The following METTL15 variants were observed in gnomAD, a reference collection of about 807,000 sequenced individuals.
METTL15 encodes the protein 12S rRNA N(4)-cytidine methyltransferase METTL15.
In METTL15, 34 loss-of-function variants were observed where a neutral mutation model predicts 38.3. The ratio of observed to expected loss-of-function variants is 0.89; its 90% confidence interval spans 0.68 to 1.18. The LOEUF is 1.18. Ranked by LOEUF, METTL15 falls within the 50% of genes most tolerant of loss-of-function variation. The pLI, the probability that METTL15 is intolerant of heterozygous loss-of-function variation, is 0.00. For missense variants in METTL15, 438 were observed against 498.4 expected (o/e 0.88, Z 1.15); for synonymous variants, 162 against 170.9 (o/e 0.95, Z 0.41).
Position 28,215,195 on chromosome 11 carries a change from G to A in METTL15, c.407+3997G>A, listed in dbSNP as rs545622896. 1.5e-3 allele frequency among the ~76,000 whole-genome samples: 227 copies of A among 152,294 alleles called. 1 individual carries two copies. The highest frequency in any genetic ancestry group is 4.7e-3 in the African/African-American group (196 of 41,558). Reference sequence around the variant, plus strand: ...TGCAACATTCCTTTTTGCTGGGTGTGAAGGTAGGACCCCTGTGAATGAGGG... The same window carrying A: ...TGCAACATTCCTTTTTGCTGGGTGTAAAGGTAGGACCCCTGTGAATGAGGG... On this transcript the variant is annotated intron_variant, in intron 4 of 6. Coordinates refer to ENST00000407364, the MANE Select transcript of METTL15 (RefSeq NM_001113528.2).
At chr11:28,353,120 G>A (rs1257001570) in intron 4 of METTL15, among the ~76,000 whole-genome samples, 2 of 152,104 alleles carry the variant, frequency 1.3e-5, no homozygotes, top group African/African-American at 4.8e-5. Flanking sequence ...TGGGGCTCCA[G>A]TTAAAAGATT....
intron 5 of METTL15, among the ~76,000 whole-genome samples, chr11:28,424,047 C>G (rs1850844477): frequency 6.6e-6 from 1 of 151,992 alleles, no homozygotes; most frequent in African/African-American, 2.4e-5. Context: ...TTCCATAAAA[C>G]CTAGCCATAT....
intron 3 of METTL15, among the ~76,000 whole-genome samples, chr11:28,143,893 C>A (rs904048988): frequency 1.3e-5 from 2 of 152,294 alleles, no homozygotes; most frequent in East Asian, 3.9e-4. Context: ...CTGACTGGAA[C>A]TTCTGAGCTA....
intron 5 of METTL15, among the ~76,000 whole-genome samples, chr11:28,368,922 T>A (rs997563406): frequency 6.6e-6 from 1 of 151,944 alleles, no homozygotes; most frequent in Non-Finnish European, 1.5e-5. Context: ...AAACACCATA[T>A]GTTCTCACTC....
rs143350926 is a variant in METTL15, at chr11:28,454,036, G to T, written c.*424+29672G>T. Among the ~76,000 whole-genome samples the T allele has an allele frequency of 4.2e-3, 633 of 152,318 alleles. 6 individuals carry two copies. Among genetic ancestry groups the T allele is most frequent in the African/African-American group, 0.014 (566 of 41,560 alleles). ...TGGAGGAGTAAACTGAGAATTTGAT[G>T]AGGGGATCTTACTCTATTGTGATGT... On this transcript the variant is annotated intron_variant and NMD_transcript_variant, in intron 6 of 7. Coordinates refer to the METTL15 transcript ENST00000532947.
intron 3 of METTL15, among the ~76,000 whole-genome samples, chr11:28,347,506 A>C (rs947028956): frequency 1.6e-4 from 24 of 152,288 alleles, no homozygotes; most frequent in African/African-American, 4.3e-4. Context: ...CTCCTTCTGT[A>C]TTCAATCCTG....
chr11:28,485,238 G>T (rs376940160), intron 6 of METTL15, among the ~76,000 whole-genome samples: 1 of 48,626 alleles, frequency 2.1e-5, no homozygotes, highest in Non-Finnish European at 6.1e-5. Flanking sequence ...TTGAATGCAA[G>T]AAAAGAAAAG....
intron 3 of METTL15, among the ~76,000 whole-genome samples, chr11:28,129,878 T>G (rs1192798539): frequency 6.6e-6 from 1 of 152,176 alleles, no homozygotes; most frequent in Admixed American, 6.5e-5. Context: ...AAGATTTATC[T>G]TATAATTAAA....
At chr11:28,244,167 C>G (rs1854418774) in intron 4 of METTL15, among the ~76,000 whole-genome samples, 1 of 152,122 alleles carries the variant, frequency 6.6e-6, no homozygotes, top group Admixed American at 6.5e-5. Flanking sequence ...GTGCAGAATT[C>G]TAGATCTTGG....
At chr11:28,282,158 C>G (rs1409650069) in intron 4 of METTL15, among the ~76,000 whole-genome samples, 1 of 152,170 alleles carries the variant, frequency 6.6e-6, no homozygotes, top group East Asian at 1.9e-4. Flanking sequence ...TTACTGCTAA[C>G]ATGCTACTCT....
chr11:28,340,565 GA>G, intron 3 of METTL15, among the ~76,000 whole-genome samples: 1 of 152,162 alleles, frequency 6.6e-6, no homozygotes, highest in East Asian at 1.9e-4. Context: ...ACAAACATAC[GA>G]AAAAAACCTC....
At chr11:28,250,032 T>C (rs1854670863) in intron 4 of METTL15, among the ~76,000 whole-genome samples, 1 of 152,098 alleles carries the variant, frequency 6.6e-6, no homozygotes, top group Admixed American at 6.6e-5. Context: ...GCTCCATCCA[T>C]GTTGCTGCAA....
At chr11:28,440,160 T>A (rs1851021738) in intron 6 of METTL15, among the ~76,000 whole-genome samples, 1 of 152,144 alleles carries the variant, frequency 6.6e-6, no homozygotes. Context: ...TATATTTTAT[T>A]GTATCTTCTT....
At chr11:28,258,912 T>G (rs1051339227) in intron 4 of METTL15, among the ~76,000 whole-genome samples, 9 of 151,984 alleles carry the variant, frequency 5.9e-5, no homozygotes, top group African/African-American at 2.2e-4. Context: ...CAAAGTCCAT[T>G]TTACTTTTAT....
intron 3 of METTL15, among the ~76,000 whole-genome samples, chr11:28,164,880 A>G (rs1209528544): frequency 6.6e-6 from 1 of 152,048 alleles, no homozygotes; most frequent in Non-Finnish European, 1.5e-5. Flanking sequence ...GCCTCTGGTA[A>G]CCACTGTTCT....
intron 3 of METTL15, among the ~76,000 whole-genome samples, chr11:28,207,554 A>C (rs1294195280): frequency 1.3e-5 from 2 of 152,034 alleles, no homozygotes; most frequent in Non-Finnish European, 2.9e-5. Flanking sequence ...CATCAAGGAT[A>C]TTGGTCTAAA....
intron 5 of METTL15, among the ~76,000 whole-genome samples, chr11:28,382,770 G>A (rs1445699452): frequency 6.6e-6 from 1 of 151,912 alleles, no homozygotes; most frequent in Non-Finnish European, 1.5e-5. Flanking sequence ...AGGAGGCAGA[G>A]GTTGCAGTGA....
chr11:28,260,830 T>C (rs895664705), intron 4 of METTL15, among the ~76,000 whole-genome samples: 5 of 152,166 alleles, frequency 3.3e-5, no homozygotes, highest in African/African-American at 1.2e-4. Flanking sequence ...TACCCAGGTA[T>C]TACCAAAAGA....
chr11:28,483,149 G>A (rs1348364751), intron 6 of METTL15, among the ~76,000 whole-genome samples: 1 of 152,128 alleles, frequency 6.6e-6, no homozygotes, highest in Non-Finnish European at 1.5e-5. Flanking sequence ...GAGACATGCT[G>A]CAGCAATGCA....
Sources: gnomAD v4.1 joint callset for allele counts (sites outside exome capture counted in the v4.1 genomes callset) on GRCh38, gnomAD v4.1.1 for gene constraint, MANE v1.5 for transcripts, NCBI Gene and HGNC (gene_info 2026-07-23, HGNC 2026-07-21) for gene names.